The following SLC8B1 variants were observed in gnomAD, a reference collection of about 807,000 sequenced individuals.
SLC8B1 encodes solute carrier family 8 member B1.
Under a neutral mutation model 63.4 loss-of-function variants are expected in SLC8B1, and 52 were observed. The observed-to-expected ratio is 0.82, with a 90% CI of 0.66 to 1.03. The LOEUF (loss-of-function observed/expected upper bound fraction) is 1.03, where lower values mean the gene tolerates loss of function less well. SLC8B1 is among the 50% of genes least tolerant of loss of function. The probability of loss-of-function intolerance (pLI) is 0.00; values close to 1 mark genes in which losing one functional copy is unlikely to be tolerated. For synonymous variants in SLC8B1, 336 were observed against 323.9 expected (o/e 1.04, Z -0.40); for missense variants, 657 against 741.7 (o/e 0.89, Z 1.33).
chr12:113,319,205 T>C, intron 7 of SLC8B1, 134 bp from the exon 8 acceptor site: 1 of 668,226 alleles, frequency 1.5e-6, no homozygotes, highest in Non-Finnish European at 2.7e-6. Context: ...AGTGGGTAAA[T>C]GGCCTTTTCC....
intron 11 of SLC8B1, among the ~76,000 whole-genome samples, chr12:113,311,543 C>T (rs764434317): frequency 6.6e-5 from 10 of 151,708 alleles, no homozygotes; most frequent in African/African-American, 2.4e-4. Context: ...TCACTTGAGT[C>T]CCGGGAGGTG....
intron 11 of SLC8B1, among the ~76,000 whole-genome samples, chr12:113,313,129 C>T (rs181468100): frequency 1.2e-4 from 19 of 152,196 alleles, no homozygotes; most frequent in Middle Eastern, 3.4e-3. Flanking sequence ...TGATCTCGAA[C>T]TCCTGACCTC....
chr12:113,319,094 CACCAAG>C, intron 7 of SLC8B1, 23 bp from the exon 8 acceptor site: 4 of 1,581,864 alleles, frequency 2.5e-6, no homozygotes, highest in Non-Finnish European at 3.5e-6. Flanking sequence ...TGCACGCCGT[CACCAAG>C]TGGTGTCCTG....
intron 8 of SLC8B1, 77 bp downstream of exon 8, chr12:113,318,887 G>T: frequency 8.9e-7 from 1 of 1,124,964 alleles, no homozygotes; most frequent in South Asian, 1.3e-5. Context: ...GGCCTCAGGA[G>T]ACCCTGGGCA....
rs1008896739 is a variant in SLC8B1 at position 113,299,061 on chromosome 12, G to C, written c.*716C>G. 2 of 152,700 alleles carry C rather than the reference G, an allele frequency of 1.3e-5. No homozygotes were observed. Among genetic ancestry groups the C allele is most frequent in the Admixed American group, 6.5e-5 (1 of 15,334 alleles). The allele number at this position is 152,700 out of a possible 1,614,324, so 9.5% of individuals were successfully genotyped here. ...GCACAAAGGAGTCTGTGGACAGGCA[G>C]GGGCAGAATCCTGGAGGGAGCGCCT... On this transcript the variant is annotated 3_prime_UTR_variant, in exon 16 of 16. Transcript: ENST00000680972.
chr12:113,303,141 A>ACGCG (rs1555273553), intron 15 of SLC8B1, among the ~76,000 whole-genome samples: 156 of 145,746 alleles, frequency 1.1e-3, no homozygotes, highest in African/African-American at 3.3e-3. Flanking sequence ...ACACACACAC[A>ACGCG]CGCGCGCGCA....
chr12:113,301,892 C>G (rs180675922), intron 15 of SLC8B1, among the ~76,000 whole-genome samples: 2 of 152,274 alleles, frequency 1.3e-5, no homozygotes, highest in Admixed American at 6.5e-5. Flanking sequence ...ATGCCGCCTT[C>G]TGGGTGAAGG....
At chr12:113,334,126 G>A (rs1354763495) in intron 1 of SLC8B1, among the ~76,000 whole-genome samples, 2 of 152,214 alleles carry the variant, frequency 1.3e-5, no homozygotes, top group Non-Finnish European at 2.9e-5. Context: ...CCGCGGGTTA[G>A]CAGTGGGGCC....
Position 113,320,979 on chromosome 12 carries a change from G to C in SLC8B1, c.363-72C>G, listed in dbSNP as rs995356932. ...CGGACCCCTATCCTTCCCCCAAACT[G>C]AGGGTGACCGAATGTCAGCCTCCTG... On this transcript the variant is annotated intron_variant, in intron 4 of 15. Transcript: ENST00000680972. This position sits in a 1 kb window ranked among gnomAD's most constrained non-coding sequence, Gnocchi z 5.3. The C allele has an allele frequency of 6.3e-7, 1 of 1,590,502 alleles. No individual in the cohort carries two copies. The highest frequency in any genetic ancestry group is 8.6e-7 in the Non-Finnish European group (1 of 1,168,968).
chr12:113,318,154 GTT>G (rs1285677458), intron 8 of SLC8B1, among the ~76,000 whole-genome samples: 1 of 152,088 alleles, frequency 6.6e-6, no homozygotes, highest in East Asian at 1.9e-4. Flanking sequence ...GTGCATGCAT[GTT>G]TTGTGTTGCA....
chr12:113,333,417 C>A (rs1957084376), intron 1 of SLC8B1, among the ~76,000 whole-genome samples: 1 of 152,216 alleles, frequency 6.6e-6, no homozygotes, highest in African/African-American at 2.4e-5. Flanking sequence ...GAGAGGCTTG[C>A]CCACCACATT....
intron 15 of SLC8B1, among the ~76,000 whole-genome samples, chr12:113,300,435 A>G (rs1956568866): frequency 6.6e-6 from 1 of 152,220 alleles, no homozygotes; most frequent in Non-Finnish European, 1.5e-5. Flanking sequence ...GTAAGCCGAC[A>G]TCGTGCTACT....
In SLC8B1 at chr12:113,299,979, G is replaced by A; in HGVS notation, c.1558-5C>T. 6.2e-7 allele frequency: 1 copy of A among 1,612,310 alleles called. No homozygotes were observed. On this transcript the variant is annotated splice_polypyrimidine_tract_variant and splice_region_variant and intron_variant, in intron 15 of 15. Coordinates refer to ENST00000680972, the MANE Select transcript of SLC8B1 (RefSeq NM_001358345.2). ...CAGCAGTCCGTCTGGCTCCAGCTGT[G>A]GAAGAATGAGGGGAGAGAGGCTGAG...
In SLC8B1 at chr12:113,305,184, GGGT is replaced by G. The variant is rs2136824958; in HGVS notation, c.1493-802_1493-800del. ...GTGTGTGGGCCGAGGCCATCTCTAG[GGGT>G]CGTTCAGGGCTCCCTCCTTCCCAGC... On this transcript the variant is annotated intron_variant, in intron 14 of 15. Transcript: ENST00000680972. The surrounding 1 kb of genome is among the most constrained non-coding windows in gnomAD (Gnocchi z 4.3). Among the ~76,000 whole-genome samples the G allele has an allele frequency of 6.6e-6, 1 of 152,324 alleles. No homozygotes were observed. Among genetic ancestry groups the G allele is most frequent in the Non-Finnish European group, 1.5e-5 (1 of 68,016 alleles).
chr12:113,302,736 T>G, intron 15 of SLC8B1: 1 of 456,092 alleles, frequency 2.2e-6, no homozygotes, highest in Non-Finnish European at 4.4e-6. Context: ...ACAGAGTAAG[T>G]GACAGAGCCC....
intron 2 of SLC8B1, among the ~76,000 whole-genome samples, chr12:113,330,264 A>G (rs111660793): frequency 0.021 from 3,240 of 152,262 alleles, 107 homozygotes; most frequent in African/African-American, 0.073. Flanking sequence ...TGCATTAATG[A>G]CTACTTGAAA....
chr12:113,318,156 T>G (rs989049111), intron 8 of SLC8B1, among the ~76,000 whole-genome samples: 1 of 152,026 alleles, frequency 6.6e-6, no homozygotes, highest in East Asian at 1.9e-4. Flanking sequence ...GCATGCATGT[T>G]TTGTGTTGCA....
In SLC8B1 at chr12:113,320,233, C is replaced by G. The variant is rs1593253385; in HGVS notation, c.694+98G>C. 2 of 1,397,156 alleles carry G rather than the reference C, an allele frequency of 1.4e-6. No individual in the cohort carries two copies. The highest frequency in any genetic ancestry group is 9.7e-7 in the Non-Finnish European group (1 of 1,028,958). 86.5% of individuals were successfully genotyped at this position (1,397,156 alleles called of 1,614,324 possible). On this transcript the variant is annotated intron_variant, in intron 7 of 15. Transcript: ENST00000680972. The surrounding 1 kb of genome is among the most constrained non-coding windows in gnomAD (Gnocchi z 5.3). ...TGTCACTTGTAATCAAATCAAAGCC[C>G]CCACTGACCACCCCTCACACCTCTC...
intron 7 of SLC8B1, among the ~76,000 whole-genome samples, chr12:113,319,641 G>A (rs773712883): frequency 2.0e-5 from 3 of 152,028 alleles, no homozygotes; most frequent in Admixed American, 1.3e-4. Context: ...CTCGAATCTC[G>A]GTTTCCCTTG....
Sources: allele counts gnomAD v4.1 joint callset (sites outside exome capture counted in the v4.1 genomes callset), GRCh38; gene constraint gnomAD v4.1.1; non-coding constraint Gnocchi (gnomAD v3.1); transcripts MANE v1.5; gene names NCBI Gene and HGNC (gene_info 2026-07-23, HGNC 2026-07-21).